The following POU6F1 variants were observed in gnomAD, a reference collection of about 807,000 sequenced individuals.
The protein encoded by POU6F1 is POU domain, class 6, transcription factor 1.
POU6F1 carries 9 observed loss-of-function variants against 28.9 expected under a neutral mutation model. The observed-to-expected ratio is 0.31, with a 90% confidence interval of 0.19 to 0.54. The LOEUF (loss-of-function observed/expected upper bound fraction) is 0.54. Among genes scored for constraint, POU6F1 ranks in the 20% least tolerant of loss-of-function variants. The pLI, the probability that POU6F1 is intolerant of heterozygous loss-of-function variation, is 0.94. For missense variants in POU6F1, 338 were observed against 426.1 expected, an observed-to-expected ratio of 0.79 and a Z score of 1.82; for synonymous variants, 173 against 171.1, an observed-to-expected ratio of 1.01 and a Z score of -0.09.
intron 8 of POU6F1, 88 bp downstream of exon 8, chr12:51,195,882 A>G: frequency 7.2e-7 from 1 of 1,385,500 alleles, no homozygotes. Context: ...GTTTCAGAAG[A>G]TGCTGTCCTG....
At chr12:51,195,925 G>A in intron 8 of POU6F1, 45 bp downstream of exon 8, 1 of 1,502,012 alleles carries the variant, frequency 6.7e-7, no homozygotes, top group Non-Finnish European at 9.0e-7. Context: ...GCCGGTGCCA[G>A]ATAGCAGAGC....
intron 9 of POU6F1, among the ~76,000 whole-genome samples, 196 bp from the exon 10 acceptor site, chr12:51,191,960 G>T (rs1209101277): frequency 6.6e-6 from 1 of 152,176 alleles, no homozygotes; most frequent in African/African-American, 2.4e-5. Flanking sequence ...CCTCTCCAGG[G>T]GTAAGGAGCT....
intron 1 of POU6F1, among the ~76,000 whole-genome samples, chr12:51,213,570 G>A (rs1229225410): frequency 1.3e-5 from 2 of 151,818 alleles, no homozygotes; most frequent in African/African-American, 4.8e-5. Flanking sequence ...ACTTGCTCTT[G>A]TTGCCCAGGC....
At position 51,196,048 on chromosome 12, in the gene POU6F1, C is replaced by T. The variant is rs775700754; in HGVS notation, c.1101G>A (p.Ala367=). 1.9e-5 allele frequency: 30 copies of T among 1,586,546 alleles called. No homozygotes were observed. The highest frequency in any genetic ancestry group is 4.1e-5 in the African/African-American group (3 of 73,532). ...GAGGCAGGGGGCTGCTAGCCAGGGT[C>T]GCAATCACCTGGCCCTGGGCGTTCA... The part of the protein sequence containing the change: ...LLLNAQGQVI[A]TLASSPLPPP... Residue 367 remains alanine (A), a synonymous_variant, in exon 8 of 11, where the codon GCG becomes GCA. Transcript: ENST00000333640.
Position 51,198,730 on chromosome 12 carries a change from C to T in POU6F1, c.412G>A (p.Val138Ile), listed in dbSNP as rs1354303260. The change falls in exon 5 of 11, where the codon GTT becomes ATT. Residue 138 changes from valine to isoleucine, a missense_variant. Val to Ile is a conservative substitution (Grantham distance 29, BLOSUM62 3). Coordinates refer to ENST00000333640, the MANE Select transcript of POU6F1 (RefSeq NM_001330422.2). ...GGTTGAGTAACTGCCCCTGCTGGAACCATAACTCCTGTCAGAACTGTGGCT... is the reference window on the plus strand; with the variant it reads ...GGTTGAGTAACTGCCCCTGCTGGAATCATAACTCCTGTCAGAACTGTGGCT... Reference protein sequence around the residue: ...NLATVLTGVMVPAGAVTQPLL... With the variant: ...NLATVLTGVMIPAGAVTQPLL... 2.5e-6 allele frequency: 1 copy of T among 399,048 alleles called. No homozygotes were observed. Among genetic ancestry groups the T allele is most frequent in the African/African-American group, 2.1e-5 (1 of 48,636 alleles). The allele number at this position is 399,048 out of a possible 1,614,324, so 24.7% of individuals were successfully genotyped here.
rs1328683265 is a variant in POU6F1, at chr12:51,199,262, C to A, written c.366+485G>T. 6.6e-6 allele frequency among the ~76,000 whole-genome samples: 1 copy of A among 152,210 alleles called. No individual in the cohort carries two copies. On this transcript the variant is annotated intron_variant, in intron 4 of 10. Coordinates refer to ENST00000333640, the MANE Select transcript of POU6F1 (RefSeq NM_001330422.2). The surrounding 1 kb of genome is among the most constrained non-coding windows in gnomAD (Gnocchi z 4.1). ...GGCCTCCGAGAAGTTTCTGAAGGAC[C>A]ATACCCTTGGCTGGATGCCTTGGAG...
In POU6F1 at chr12:51,217,652, G is replaced by C. The variant is rs1247088262; in HGVS notation, c.-58C>G. On this transcript the variant is annotated 5_prime_UTR_variant, in exon 1 of 11. Coordinates refer to ENST00000333640, the MANE Select transcript of POU6F1 (RefSeq NM_001330422.2). The surrounding 1 kb of genome is among the most constrained non-coding windows in gnomAD (Gnocchi z 5.3). ...GACCCCGCTACTTACCGGAGCCCGA[G>C]CCCGAGCCGCCTTCGCCGCGGGTGT... 1 of 151,800 alleles carries C rather than the reference G, an allele frequency of 6.6e-6. No homozygotes were observed. Among genetic ancestry groups the C allele is most frequent in the Admixed American group, 6.6e-5 (1 of 15,246 alleles). 9.4% of individuals were successfully genotyped at this position (151,800 alleles called of 1,614,324 possible).
At position 51,204,197 on chromosome 12, in the gene POU6F1, G is replaced by C. The variant is rs1943410979; in HGVS notation, c.220C>G (p.Leu74Val). ...QAAGEAGPDN[L>V]GSSAEATVKS... ...CCAGTTGCCTCTGCAGAGGAGCCCAGGTTGTCTGGCCCAGCTTCACCAGCA... is the reference window on the plus strand; with the variant it reads ...CCAGTTGCCTCTGCAGAGGAGCCCACGTTGTCTGGCCCAGCTTCACCAGCA... The change falls in exon 3 of 11, where the codon CTG becomes GTG. Residue 74 changes from leucine (L) to valine (V), a missense_variant. Transcript: ENST00000333640. 1 of 399,226 alleles carries C rather than the reference G, an allele frequency of 2.5e-6. No individual in the cohort carries two copies. The highest frequency in any genetic ancestry group is 4.4e-6 in the Non-Finnish European group (1 of 226,264). 24.7% of individuals were successfully genotyped at this position (399,226 alleles called of 1,614,324 possible).
At chr12:51,196,663 G>T in intron 7 of POU6F1, 136 bp downstream of exon 7, 1 of 1,079,272 alleles carries the variant, frequency 9.3e-7, no homozygotes, top group Admixed American at 2.3e-5. Flanking sequence ...TCGGCAGAAA[G>T]CCGCCGCAGA....
chr12:51,202,785 C>T (rs1159465640), intron 3 of POU6F1, among the ~76,000 whole-genome samples: 1 of 152,176 alleles, frequency 6.6e-6, no homozygotes, highest in Non-Finnish European at 1.5e-5. Context: ...CAATAAAAGA[C>T]ATAGGTACAT....
Position 51,191,677 on chromosome 12 carries a change from G to A in POU6F1, c.1409C>T (p.Ser470Leu), listed in dbSNP as rs769043228. ...FAKNFKIRRLSLGLTQTQVGQ... is the reference protein window; with the variant it reads ...FAKNFKIRRLLLGLTQTQVGQ... ...CACCTGGGTCTGTGTAAGGCCCAGC[G>A]AGAGCCGCCGGATCTTAAAGTTCTT... Residue 470 changes from serine (S) to leucine (L), a missense_variant, in exon 10 of 11, where the codon TCG (serine) becomes TTG (leucine). Ser to Leu is a moderately radical substitution (Grantham distance 145, BLOSUM62 -2). Around this residue, in one of 3 missense-constraint regions of POU6F1, gnomAD observed 6 missense variants for 24.1 expected, o/e 0.25. Coordinates refer to ENST00000333640, the MANE Select transcript of POU6F1 (RefSeq NM_001330422.2). The A allele has an allele frequency of 2.5e-6, 4 of 1,614,066 alleles. No individual in the cohort carries two copies. The highest frequency in any genetic ancestry group is 1.3e-5 in the African/African-American group (1 of 74,934).
chr12:51,196,883 G>A lies in POU6F1; in HGVS notation c.891C>T (p.Ser297=). Residue 297 remains serine (S), a synonymous_variant, in exon 7 of 11, where the codon TCC becomes TCT. Transcript: ENST00000333640. ...SLGGQTQILG[S]LTTAPVITSA... is the part of the protein sequence containing the mutation. ...TGGTAATGACTGGAGCTGTAGTGAG[G>A]GACCCCAGGATCTGGGTCTGTCCCC... is the stretch of plus-strand genomic sequence containing the variant. The A allele has an allele frequency of 6.2e-7, 1 of 1,613,414 alleles. No homozygotes were observed. The highest frequency in any genetic ancestry group is 8.5e-7 in the Non-Finnish European group (1 of 1,179,416).
chr12:51,195,813 A>T (rs776785400), intron 8 of POU6F1, among the ~76,000 whole-genome samples, 157 bp downstream of exon 8: 1 of 152,154 alleles, frequency 6.6e-6, no homozygotes, highest in Non-Finnish European at 1.5e-5. Flanking sequence ...GTGTGGACAC[A>T]TGTGGGCCTT....
At chr12:51,197,535 T>A (rs1374061477) in intron 6 of POU6F1, among the ~76,000 whole-genome samples, 2 of 152,188 alleles carry the variant, frequency 1.3e-5, no homozygotes, top group East Asian at 1.9e-4. Flanking sequence ...GTCCAGTGGT[T>A]CAGGTTCTGG....
Position 51,190,108 on chromosome 12 carries a change from A to C in POU6F1, c.*139T>G, listed in dbSNP as rs1330137355. The C allele has an allele frequency of 7.2e-7, 1 of 1,379,806 alleles. No homozygotes were observed. Among genetic ancestry groups the C allele is most frequent in the Non-Finnish European group, 9.6e-7 (1 of 1,041,194 alleles). The allele number at this position is 1,379,806 out of a possible 1,614,324, so 85.5% of individuals were successfully genotyped here. On this transcript the variant is annotated 3_prime_UTR_variant, in exon 11 of 11. Transcript: ENST00000333640. This position sits in a 1 kb window ranked among gnomAD's most constrained non-coding sequence, Gnocchi z 4.5. ...GGAGAAAAGAGGGACATTGATGCAC[A>C]TGCACACGGTGGAGTCTGATGACCT...
intron 9 of POU6F1, 95 bp downstream of exon 9, chr12:51,192,234 AC>A: frequency 5.4e-6 from 8 of 1,492,432 alleles, no homozygotes; most frequent in Non-Finnish European, 7.3e-6. Flanking sequence ...TCCCCTCTGG[AC>A]CCCAGGATAT....
rs1207117485 is a variant in POU6F1, at chr12:51,199,490, G to A, written c.366+257C>T. Among the ~76,000 whole-genome samples the A allele has an allele frequency of 1.3e-5, 2 of 152,208 alleles. No homozygotes were observed. The highest frequency in any genetic ancestry group is 2.9e-5 in the Non-Finnish European group (2 of 68,036). The stretch of plus-strand genomic sequence containing the variant: ...AAACAGAAACTCTGGCTGCGTGAAA[G>A]AGTTAATGTTATTTCTGCAATCCTG... On this transcript the variant is annotated intron_variant, in intron 4 of 10. Transcript: ENST00000333640. The surrounding 1 kb of genome is among the most constrained non-coding windows in gnomAD (Gnocchi z 4.1).
At chr12:51,193,095 T>C (rs1488350815) in intron 8 of POU6F1, among the ~76,000 whole-genome samples, 1 of 152,200 alleles carries the variant, frequency 6.6e-6, no homozygotes, top group South Asian at 2.1e-4. Context: ...GTGCTCACCC[T>C]TGGGATAACT....
chr12:51,213,207 G>A (rs948512435), intron 1 of POU6F1, among the ~76,000 whole-genome samples: 4 of 151,728 alleles, frequency 2.6e-5, no homozygotes, highest in Non-Finnish European at 4.4e-5. Flanking sequence ...AAAGTGCTGG[G>A]ATTACAGGCG....
Sources: gnomAD v4.1 joint callset for allele counts (sites outside exome capture counted in the v4.1 genomes callset) on GRCh38, gnomAD v4.1.1 for gene constraint, gnomAD v4.1.1 regional missense constraint, Gnocchi (gnomAD v3.1) non-coding constraint, MANE v1.5 for transcripts, NCBI Gene and HGNC (gene_info 2026-07-23, HGNC 2026-07-21) for gene names.